ANKRD17: variants seen among roughly 807,000 people sequenced by gnomAD.
The protein encoded by ANKRD17 is ankyrin repeat domain 17, also known as ankyrin repeat domain-containing protein 17.
ANKRD17 carries 19 observed loss-of-function variants against 229.7 expected under a neutral mutation model. That is an observed-to-expected ratio of 0.08 (90% CI 0.06 to 0.12). The LOEUF is 0.12. ANKRD17 is among the 10% of genes least tolerant of loss of function. ANKRD17 has a pLI of 1.00. For synonymous variants in ANKRD17, 1,112 were observed against 1,146.1 expected (o/e 0.97, Z 0.60); for missense variants, 2,176 against 3,176.8 (o/e 0.68, Z 7.57).
rs55769249 is a variant in ANKRD17, at chr4:73,179,466, ATGTGTGTG to A, written c.394-1941_394-1934del. On this transcript the variant is annotated intron_variant, in intron 1 of 33. Coordinates refer to ENST00000358602, the MANE Select transcript of ANKRD17 (RefSeq NM_032217.5). ...TATATATCTGTGTATATATGTATAT[ATGTGTGTG>A]TGTGTGTGTGTGTGTATATATATAT... Among the ~76,000 whole-genome samples the A allele has an allele frequency of 1.7e-3, 103 of 60,780 alleles. 1 individual carries two copies. The highest frequency in any genetic ancestry group is 5.6e-3 in the African/African-American group (92 of 16,438). The allele number at this position is 60,780 out of a possible 152,430, so 39.9% of individuals were successfully genotyped here. A position where few individuals can be genotyped will look rare whatever the true frequency, so the allele number is the denominator to read the frequency against.
chr4:73,178,230 G>A (rs553693838), intron 1 of ANKRD17, among the ~76,000 whole-genome samples: 13 of 152,018 alleles, frequency 8.6e-5, no homozygotes, highest in Non-Finnish European at 1.3e-4. Flanking sequence ...ATAGTTTTTC[G>A]TTTGTACTTT....
chr4:73,190,869 G>GT (rs1736982035), intron 1 of ANKRD17, among the ~76,000 whole-genome samples: 2 of 151,900 alleles, frequency 1.3e-5, no homozygotes, highest in African/African-American at 2.4e-5. Flanking sequence ...GAAAAAAACT[G>GT]TAAAACTTTA....
intron 1 of ANKRD17, 112 bp downstream of exon 1, chr4:73,258,164 C>T: frequency 6.5e-7 from 1 of 1,546,414 alleles, no homozygotes. Flanking sequence ...GAAAGCCTGG[C>T]CCCTAAGAGA....
chr4:73,167,518 A>G (rs778939064), intron 2 of ANKRD17, among the ~76,000 whole-genome samples: 4 of 152,188 alleles, frequency 2.6e-5, no homozygotes, highest in Non-Finnish European at 5.9e-5. Flanking sequence ...GGCCACAGAA[A>G]ACAAATCTAT....
At chr4:73,181,454 C>G (rs1013632825) in intron 1 of ANKRD17, among the ~76,000 whole-genome samples, 1 of 152,070 alleles carries the variant, frequency 6.6e-6, no homozygotes, top group Non-Finnish European at 1.5e-5. Context: ...TCCAGTTCCT[C>G]TTTTTCCAAC....
chr4:73,255,049 G>C (rs1255023391), intron 1 of ANKRD17, among the ~76,000 whole-genome samples: 1 of 152,156 alleles, frequency 6.6e-6, no homozygotes, highest in Non-Finnish European at 1.5e-5. Flanking sequence ...GTAAGATTTT[G>C]TGTCAAATAG....
intron 1 of ANKRD17, among the ~76,000 whole-genome samples, chr4:73,197,630 A>C (rs1738066696): frequency 6.6e-6 from 1 of 152,132 alleles, no homozygotes; most frequent in Non-Finnish European, 1.5e-5. Flanking sequence ...CAGAAGTTTG[A>C]GACTAGCTTG....
At chr4:73,142,221 C>T (rs754121043) in intron 13 of ANKRD17, 21 bp downstream of exon 13, 3 of 1,521,872 alleles carry the variant, frequency 2.0e-6, no homozygotes, top group Admixed American at 2.6e-5. Flanking sequence ...CCATAAAATG[C>T]TTTAATTTTT....
chr4:73,119,449 G>A (rs939302810), intron 21 of ANKRD17, among the ~76,000 whole-genome samples: 1 of 152,102 alleles, frequency 6.6e-6, no homozygotes, highest in African/African-American at 2.4e-5. Context: ...TCCTTTGAGT[G>A]TCATAACAGG....
Position 73,077,336 on chromosome 4 carries a change from T to C in ANKRD17, c.7587+19A>G, listed in dbSNP as rs753090611. Reference sequence around the variant, plus strand: ...AGAAAATCCTCCCTTAAATAACTAGTACAAAATCAGGACTTTACCCCAACT... The same window carrying C: ...AGAAAATCCTCCCTTAAATAACTAGCACAAAATCAGGACTTTACCCCAACT... On this transcript the variant is annotated intron_variant, in intron 32 of 33. Coordinates refer to ENST00000358602, the MANE Select transcript of ANKRD17 (RefSeq NM_032217.5). 8.8e-6 allele frequency: 14 copies of C among 1,588,898 alleles called. No individual in the cohort carries two copies. Among genetic ancestry groups the C allele is most frequent in the South Asian group, 5.7e-5 (5 of 87,064 alleles).
chr4:73,195,789 G>T (rs749203343), intron 1 of ANKRD17, among the ~76,000 whole-genome samples: 2 of 152,116 alleles, frequency 1.3e-5, no homozygotes, highest in Admixed American at 6.6e-5. Context: ...TTACAGGCAT[G>T]AGCCACCGTG....
intron 1 of ANKRD17, among the ~76,000 whole-genome samples, chr4:73,238,379 T>C (rs1743703330): frequency 6.6e-6 from 1 of 152,164 alleles, no homozygotes. Context: ...GAGCACTTAC[T>C]GTAAGAGGTA....
intron 6 of ANKRD17, among the ~76,000 whole-genome samples, chr4:73,153,666 A>C (rs1336284038): frequency 6.6e-6 from 1 of 152,198 alleles, no homozygotes; most frequent in Non-Finnish European, 1.5e-5. Context: ...AGATCAATTA[A>C]TACTCATTTT....
In ANKRD17 at chr4:73,177,499, T is replaced by A; in HGVS notation, c.428A>T (p.Glu143Val). Residue 143 changes from glutamate to valine, a missense_variant, in exon 2 of 34, where the codon GAA (glutamate) becomes GTA (valine). Physicochemically the swap from Glu to Val is moderately radical, Grantham distance 121. Transcript: ENST00000358602. The stretch of plus-strand genomic sequence containing the variant: ...GGAAGCTGTTTCCAGCATTGGATTT[T>A]CCAAATCATCCTGATCCAAAATGAA... ...ESFILDQDDL[E>V]NPMLETASKL... 6.2e-7 allele frequency: 1 copy of A among 1,613,382 alleles called. No individual in the cohort carries two copies.
intron 33 of ANKRD17, 120 bp from the exon 34 acceptor site, chr4:73,076,410 A>G (rs764376893): frequency 5.0e-6 from 3 of 597,928 alleles, no homozygotes; most frequent in Non-Finnish European, 7.7e-6. Context: ...AACTAATGGA[A>G]AAAAATGATA....
chr4:73,191,938 A>G (rs959284916), intron 1 of ANKRD17, among the ~76,000 whole-genome samples: 2 of 152,192 alleles, frequency 1.3e-5, no homozygotes, highest in Middle Eastern at 6.8e-3. Flanking sequence ...AGTTCTTTTT[A>G]TTTTAACAGG....
At chr4:73,175,276 C>T (rs1464785844) in intron 2 of ANKRD17, among the ~76,000 whole-genome samples, 1 of 152,130 alleles carries the variant, frequency 6.6e-6, no homozygotes. Context: ...GGAAGAGCCC[C>T]TTATAAAACC....
intron 15 of ANKRD17, among the ~76,000 whole-genome samples, chr4:73,138,866 A>G (rs1211291499): frequency 3.3e-5 from 5 of 152,122 alleles, no homozygotes; most frequent in Non-Finnish European, 7.4e-5. Context: ...TTATAATCGA[A>G]TAAAATTTAT....
At chr4:73,093,376 C>CTTTTTTTTTTTTTTTTTTTTTTTTTTT in intron 28 of ANKRD17, among the ~76,000 whole-genome samples, 1 of 112,838 alleles carries the variant, frequency 8.9e-6, no homozygotes, top group Non-Finnish European at 1.7e-5. Context: ...AACTCAAATT[C>CTTTTTTTTTTTTTTTTTTTTTTTTTTT]TTTTTTTTTT....
Sources: gnomAD v4.1 joint callset for allele counts (sites outside exome capture counted in the v4.1 genomes callset) on GRCh38, gnomAD v4.1.1 for gene constraint, MANE v1.5 for transcripts, NCBI Gene and HGNC (gene_info 2026-07-23, HGNC 2026-07-21) for gene names.